GABRB2: variants seen among roughly 807,000 people sequenced by gnomAD.
GABRB2 encodes gamma-aminobutyric acid receptor subunit beta-2.
Under a neutral mutation model 54.7 loss-of-function variants are expected in GABRB2, and 16 were observed. That is an observed-to-expected ratio of 0.29 (90% CI 0.20 to 0.44). The LOEUF (loss-of-function observed/expected upper bound fraction) is 0.44. Ranked by LOEUF, GABRB2 falls within the 20% of genes least tolerant of loss-of-function variation. The probability of loss-of-function intolerance (pLI) is 1.00; values close to 1 mark genes in which losing one functional copy is unlikely to be tolerated. For synonymous variants in GABRB2, 244 were observed against 233.8 expected (o/e 1.04, Z -0.40); for missense variants, 355 against 644.0 (o/e 0.55, Z 4.86).
At chr5:161,313,588 G>T (rs893558094) in intron 9 of GABRB2, among the ~76,000 whole-genome samples, 1 of 151,406 alleles carries the variant, frequency 6.6e-6, no homozygotes, top group Non-Finnish European at 1.5e-5. Context: ...TTTAGAAATA[G>T]ATCTTAGGAA....
At chr5:161,418,781 C>T (rs1186891658) in intron 4 of GABRB2, among the ~76,000 whole-genome samples, 1 of 151,904 alleles carries the variant, frequency 6.6e-6, no homozygotes, top group Non-Finnish European at 1.5e-5. Flanking sequence ...GGAACTCAAA[C>T]AATGGAACAA....
chr5:161,516,928 T>G (rs941278967), intron 3 of GABRB2, among the ~76,000 whole-genome samples: 4 of 152,088 alleles, frequency 2.6e-5, no homozygotes, highest in African/African-American at 9.7e-5. Flanking sequence ...TGTCTCCCCT[T>G]TTGTATCTAG....
intron 8 of GABRB2, chr5:161,330,625 A>C (rs1039202234): frequency 2.2e-5 from 10 of 461,748 alleles, no homozygotes; most frequent in African/African-American, 1.7e-4. Flanking sequence ...TACTATACTC[A>C]ATATGTGAGA....
chr5:161,297,458 G>A (rs1365233940), intron 9 of GABRB2, among the ~76,000 whole-genome samples: 1 of 151,972 alleles, frequency 6.6e-6, no homozygotes, highest in Admixed American at 6.6e-5. Context: ...ACAGGCCTTG[G>A]TGTGTGATGT....
rs566155702 is a variant in GABRB2 at position 161,439,251 on chromosome 5, TA to T, written c.458+20372del. Among the ~76,000 whole-genome samples the T allele has an allele frequency of 4.1e-4, 62 of 152,326 alleles. No homozygotes were observed. In the South Asian group the frequency reaches 5.6e-3, roughly 14 times the overall value. ...CCAAGAGACAGTGGCGTGACATATT[TA>T]AAGTGCTGAAAGAAAATAACTTTTA... On this transcript the variant is annotated intron_variant, in intron 4 of 9. Coordinates refer to ENST00000393959, the MANE Select transcript of GABRB2 (RefSeq NM_001371727.1).
At chr5:161,335,468 T>C (rs1471785835) in intron 6 of GABRB2, among the ~76,000 whole-genome samples, 2 of 152,144 alleles carry the variant, frequency 1.3e-5, no homozygotes, top group Admixed American at 6.5e-5. Context: ...TGGAGACCCA[T>C]TGCATTTGAG....
chr5:161,496,897 A>G (rs181853411), intron 3 of GABRB2, among the ~76,000 whole-genome samples: 5 of 152,274 alleles, frequency 3.3e-5, no homozygotes, highest in Admixed American at 1.3e-4. Context: ...TAGTTTAATC[A>G]TATATATGTA....
chr5:161,456,199 T>C (rs1387611949), intron 4 of GABRB2, among the ~76,000 whole-genome samples: 4 of 152,214 alleles, frequency 2.6e-5, no homozygotes, highest in Admixed American at 2.6e-4. Flanking sequence ...ATCCACATCT[T>C]CATGGTTGCC....
At chr5:161,489,168 A>C (rs1025706040) in intron 3 of GABRB2, among the ~76,000 whole-genome samples, 10 of 151,706 alleles carry the variant, frequency 6.6e-5, no homozygotes, top group African/African-American at 2.4e-4. Context: ...TAGATTTTCT[A>C]ATCAGTTTCT....
intron 5 of GABRB2, among the ~76,000 whole-genome samples, chr5:161,354,508 C>T (rs558429065): frequency 6.6e-6 from 1 of 152,074 alleles, no homozygotes; most frequent in East Asian, 1.9e-4. Flanking sequence ...AAAATATATT[C>T]ATCGAATTCT....
intron 4 of GABRB2, among the ~76,000 whole-genome samples, chr5:161,420,455 T>C (rs1756817201): frequency 6.6e-6 from 1 of 152,214 alleles, no homozygotes; most frequent in Admixed American, 6.5e-5. Flanking sequence ...AGTAGACAGT[T>C]TGGACTTCCG....
At chr5:161,406,310 G>A (rs557556110) in intron 5 of GABRB2, among the ~76,000 whole-genome samples, 2 of 152,060 alleles carry the variant, frequency 1.3e-5, no homozygotes, top group East Asian at 3.9e-4. Flanking sequence ...AGGCACAGCT[G>A]GCTAAAACAT....
At chr5:161,511,725 T>C (rs567305531) in intron 3 of GABRB2, among the ~76,000 whole-genome samples, 1 of 152,078 alleles carries the variant, frequency 6.6e-6, no homozygotes, top group East Asian at 1.9e-4. Context: ...GAAGAATCTG[T>C]TCCAGACCTC....
At chr5:161,425,530 T>C (rs915698189) in intron 4 of GABRB2, among the ~76,000 whole-genome samples, 9 of 152,112 alleles carry the variant, frequency 5.9e-5, no homozygotes, top group African/African-American at 2.2e-4. Flanking sequence ...GAATGTACAT[T>C]ATTTTTATTA....
intron 4 of GABRB2, among the ~76,000 whole-genome samples, chr5:161,427,241 G>C (rs1580976624): frequency 6.6e-6 from 1 of 152,264 alleles, no homozygotes; most frequent in Admixed American, 6.5e-5. Context: ...CATTTATATA[G>C]AGGGCTTTAG....
chr5:161,425,860 A>G (rs982255281), intron 4 of GABRB2, among the ~76,000 whole-genome samples: 4 of 152,136 alleles, frequency 2.6e-5, no homozygotes, highest in Non-Finnish European at 4.4e-5. Flanking sequence ...TTCAAATATA[A>G]TATGTGATGA....
At chr5:161,471,032 C>G (rs771459635) in intron 3 of GABRB2, among the ~76,000 whole-genome samples, 2 of 151,950 alleles carry the variant, frequency 1.3e-5, no homozygotes, top group Non-Finnish European at 2.9e-5. Flanking sequence ...GAAATTTGTT[C>G]TCTCCACCCA....
intron 5 of GABRB2, among the ~76,000 whole-genome samples, chr5:161,383,751 C>A (rs1427121728): frequency 6.6e-6 from 1 of 152,102 alleles, no homozygotes; most frequent in East Asian, 1.9e-4. Context: ...TATTTTGAAC[C>A]AAATCCCAGG....
chr5:161,460,007 C>G (rs1197227956), intron 3 of GABRB2, among the ~76,000 whole-genome samples, 163 bp from the exon 4 acceptor site: 1 of 152,150 alleles, frequency 6.6e-6, no homozygotes, highest in African/African-American at 2.4e-5. Flanking sequence ...TGCACTGGCA[C>G]GATCTCGGCT....
Sources: gnomAD v4.1 joint callset for allele counts (sites outside exome capture counted in the v4.1 genomes callset) on GRCh38, gnomAD v4.1.1 for gene constraint, MANE v1.5 for transcripts, NCBI Gene and HGNC (gene_info 2026-07-23, HGNC 2026-07-21) for gene names.